MCM6: variants seen among roughly 807,000 people sequenced by gnomAD.
The protein encoded by MCM6 is DNA replication licensing factor MCM6.
A neutral mutation model predicts 94.3 loss-of-function variants in MCM6; 46 were observed. The ratio of observed to expected loss-of-function variants is 0.49; its 90% CI spans 0.39 to 0.62. MCM6 has a LOEUF of 0.62. Among genes scored for constraint, MCM6 ranks in the 20% least tolerant of loss-of-function variants. The pLI, the probability that MCM6 is intolerant of heterozygous loss-of-function variation, is 0.00. For synonymous variants in MCM6, 335 were observed against 351.9 expected, an observed-to-expected ratio of 0.95 and a Z score of 0.54; for missense variants, 865 against 1,017.9, an observed-to-expected ratio of 0.85 and a Z score of 2.04.
rs771621186 is a variant in MCM6 at position 135,840,913 on chromosome 2, T to C, written c.2388A>G (p.Lys796=). Residue 796 remains lysine (K), a synonymous_variant, in exon 17 of 17, where the codon AAA becomes AAG. Coordinates refer to ENST00000264156, the MANE Select transcript of MCM6 (RefSeq NM_005915.6). The part of the protein sequence containing the change: ...VLIELTQAGL[K]GSTEGSESYE... ...AGCTCTCACTTCCCTCTGTGGAGCCTTTCAATCCAGCCTGGGTGAGCTCAA... is the reference window on the plus strand; with the variant it reads ...AGCTCTCACTTCCCTCTGTGGAGCCCTTCAATCCAGCCTGGGTGAGCTCAA... 6 of 1,614,120 alleles carry C rather than the reference T, an allele frequency of 3.7e-6. No individual in the cohort carries two copies. The South Asian group carries it at 6.6e-5, about 18-fold the overall frequency.
chr2:135,875,891 C>A (rs1043986089), intron 1 of MCM6, among the ~76,000 whole-genome samples: 2 of 152,250 alleles, frequency 1.3e-5, no homozygotes, highest in African/African-American at 4.8e-5. Context: ...CGGCCTCCCA[C>A]TCGACCTGGC....
chr2:135,865,285 G>T, intron 6 of MCM6, 122 bp from the exon 7 acceptor site: 309 of 548,966 alleles, frequency 5.6e-4, no homozygotes, highest in Middle Eastern at 9.1e-4. Flanking sequence ...TTTATTGACT[G>T]TAAAGGTTTA....
Position 135,867,419 on chromosome 2 carries a change from A to G in MCM6, c.616-691T>C, listed in dbSNP as rs533234749. 2.1e-4 allele frequency among the ~76,000 whole-genome samples: 32 copies of G among 152,264 alleles called. No homozygotes were observed. In the South Asian group the frequency reaches 2.5e-3, roughly 12 times the overall value. On this transcript the variant is annotated intron_variant, in intron 4 of 16. Coordinates refer to ENST00000264156, the MANE Select transcript of MCM6 (RefSeq NM_005915.6). ...CTAGATTCATACTTTATAAGATAAG[A>G]CATCTCCTACCCAAAGCTGTTGGTA...
chr2:135,872,500 T>C (rs1032638416), intron 2 of MCM6, among the ~76,000 whole-genome samples, 197 bp downstream of exon 2: 3 of 151,786 alleles, frequency 2.0e-5, no homozygotes, highest in African/African-American at 7.3e-5. Context: ...AAAAAAACGT[T>C]CGGCTCTACA....
chr2:135,848,671 A>G (rs1679712794), intron 13 of MCM6, among the ~76,000 whole-genome samples: 1 of 152,084 alleles, frequency 6.6e-6, no homozygotes, highest in African/African-American at 2.4e-5. Context: ...ATCACCTGAG[A>G]TTGGGAGTTT....
rs758083904 is a variant in MCM6 at position 135,848,203 on chromosome 2, A to G, written c.1918-15T>C. ...TTAGGTTGGACCTAAACCAATAATGATGAAGTAATTAAGCTACTTTTTTTG... is the reference window on the plus strand; with the variant it reads ...TTAGGTTGGACCTAAACCAATAATGGTGAAGTAATTAAGCTACTTTTTTTG... On this transcript the variant is annotated splice_polypyrimidine_tract_variant and intron_variant, in intron 13 of 16. Transcript: ENST00000264156. The G allele has an allele frequency of 6.3e-7, 1 of 1,586,340 alleles. No homozygotes were observed. The highest frequency in any genetic ancestry group is 8.6e-7 in the Non-Finnish European group (1 of 1,157,908).
intron 11 of MCM6, among the ~76,000 whole-genome samples, chr2:135,853,277 C>T (rs1223089984): frequency 1.3e-5 from 2 of 152,202 alleles, no homozygotes; most frequent in Admixed American, 6.6e-5. Flanking sequence ...TGAGACCCTC[C>T]CTGTCTCTAC....
chr2:135,865,595 T>C (rs1188093225), intron 6 of MCM6, among the ~76,000 whole-genome samples: 1 of 152,056 alleles, frequency 6.6e-6, no homozygotes, highest in African/African-American at 2.4e-5. Flanking sequence ...TTACTAAATC[T>C]TTTTATTTGT....
rs1679635580 is a variant in MCM6, at chr2:135,844,546, T to C, written c.2348A>G (p.Tyr783Cys). ...IEKVIHRLTH[Y>C]DHVLIELTQA... ...GAGCACGCGCACTTCTGCACCTACATAGTGTGTGAGTCGATGAATAACTTT... is the reference window on the plus strand; with the variant it reads ...GAGCACGCGCACTTCTGCACCTACACAGTGTGTGAGTCGATGAATAACTTT... Residue 783 changes from tyrosine (Y) to cysteine (C), a missense_variant and splice_region_variant, in exon 16 of 17, where the codon TAT becomes TGT. Tyr to Cys is a radical substitution (Grantham distance 194). Transcript: ENST00000264156. 2.6e-6 allele frequency: 4 copies of C among 1,559,684 alleles called. No homozygotes were observed. Among genetic ancestry groups the C allele is most frequent in the Non-Finnish European group, 2.6e-6 (3 of 1,155,404 alleles).
At chr2:135,865,997 G>A in intron 6 of MCM6, 135 bp downstream of exon 6, 3 of 1,008,044 alleles carry the variant, frequency 3.0e-6, no homozygotes. Flanking sequence ...AGCTACTCAG[G>A]AGGTTGAGAT....
At chr2:135,872,925 G>C in intron 1 of MCM6, 82 bp from the exon 2 acceptor site, 1 of 1,516,818 alleles carries the variant, frequency 6.6e-7, no homozygotes, top group South Asian at 1.2e-5. Context: ...ATTGGTTAAA[G>C]TCCAACAACT....
chr2:135,861,301 C>T (rs942491268), intron 8 of MCM6, among the ~76,000 whole-genome samples: 1 of 151,930 alleles, frequency 6.6e-6, no homozygotes, highest in Non-Finnish European at 1.5e-5. Flanking sequence ...CTCGGTGTCA[C>T]CTTTCACCTA....
chr2:135,875,761 A>G (rs1178424351), intron 1 of MCM6, among the ~76,000 whole-genome samples: 15 of 152,186 alleles, frequency 9.9e-5, no homozygotes, highest in Non-Finnish European at 7.4e-5. Context: ...TTCAAACCAC[A>G]GTTGACGCAG....
chr2:135,840,929 G>A lies in MCM6; in HGVS notation c.2372C>T (p.Thr791Ile). 3.7e-6 allele frequency: 6 copies of A among 1,613,928 alleles called. No homozygotes were observed. Among genetic ancestry groups the A allele is most frequent in the South Asian group, 2.2e-5 (2 of 91,082 alleles). The change falls in exon 17 of 17, where the codon ACC becomes ATC. Residue 791 changes from threonine (T) to isoleucine (I), a missense_variant. Around this residue, in one of 3 missense-constraint regions of MCM6, gnomAD observed 308 missense variants for 324.5 expected, o/e 0.95. Transcript: ENST00000264156. ...THYDHVLIEL[T>I]QAGLKGSTEG... is the part of the protein sequence containing the mutation. ...TGTGGAGCCTTTCAATCCAGCCTGG[G>A]TGAGCTCAATTAGAACATGATCCTG...
intron 8 of MCM6, among the ~76,000 whole-genome samples, chr2:135,861,016 T>C (rs555626222): frequency 7.2e-4 from 109 of 152,226 alleles, no homozygotes; most frequent in African/African-American, 2.5e-3. Context: ...AGAGGCAACA[T>C]TGTAGTACAT....
rs773283512 is a variant in MCM6, at chr2:135,866,576, C to T, written c.768G>A (p.Lys256=). 1.2e-6 allele frequency: 2 copies of T among 1,612,386 alleles called. No homozygotes were observed. The highest frequency in any genetic ancestry group is 1.1e-5 in the South Asian group (1 of 90,724). ...GTLIVVPDVS[K]LSTPGARAET... ...CAGATTACTGACCTGGTGTGCTAAG[C>T]TTGGAGACGTCAGGCACAACAATCA... is the stretch of plus-strand genomic sequence containing the variant. The change falls in exon 5 of 17, where the codon AAG becomes AAA. Residue 256 remains lysine, a synonymous_variant. Transcript: ENST00000264156.
At chr2:135,860,882 A>T (rs1679978848) in intron 8 of MCM6, among the ~76,000 whole-genome samples, 1 of 152,204 alleles carries the variant, frequency 6.6e-6, no homozygotes, top group African/African-American at 2.4e-5. Flanking sequence ...CTAATCAAGG[A>T]CAATTAGGCA....
chr2:135,841,548 A>G (rs1244447065), intron 16 of MCM6, among the ~76,000 whole-genome samples: 1 of 152,230 alleles, frequency 6.6e-6, no homozygotes, highest in Non-Finnish European at 1.5e-5. Context: ...AGCCAAGCCC[A>G]TAGAAAGGAA....
Position 135,858,104 on chromosome 2 carries a change from C to T in MCM6, c.1363-100G>A, listed in dbSNP as rs956655390. On this transcript the variant is annotated intron_variant, in intron 9 of 16. Transcript: ENST00000264156. ...CTTTGGGAGGCCAAGGCAGGAAGAA[C>T]GCTTCACTAAGGCCGGGCATTTGAG... 287 of 1,043,302 alleles carry T rather than the reference C, an allele frequency of 2.8e-4. 1 individual carries two copies. Among genetic ancestry groups the T allele is most frequent in the African/African-American group, 9.4e-5 (6 of 63,872 alleles). 64.6% of individuals were successfully genotyped at this position (1,043,302 alleles called of 1,614,324 possible).
Sources: allele counts gnomAD v4.1 joint callset (sites outside exome capture counted in the v4.1 genomes callset), GRCh38; gene constraint gnomAD v4.1.1; regional missense constraint gnomAD v4.1.1; transcripts MANE v1.5; gene names NCBI Gene and HGNC (gene_info 2026-07-23, HGNC 2026-07-21).